Variants in IGSF21 observed in about 807,000 individuals in gnomAD.
The protein encoded by IGSF21 is immunoglobin superfamily member 21.
IGSF21 carries 28 observed loss-of-function variants against 46.8 expected under a neutral mutation model. The observed-to-expected ratio is 0.60, with a 90% CI of 0.44 to 0.82. The LOEUF is 0.82. Among genes scored for constraint, IGSF21 ranks in the 40% least tolerant of loss-of-function variants. IGSF21 has a pLI of 0.00. For synonymous variants in IGSF21, 284 were observed against 273.6 expected (o/e 1.04, Z -0.38); for missense variants, 624 against 665.5 (o/e 0.94, Z 0.69).
At chr1:18,291,574 T>G (rs796363919) in intron 2 of IGSF21, among the ~76,000 whole-genome samples, 8 of 152,318 alleles carry the variant, frequency 5.3e-5, no homozygotes, top group African/African-American at 1.9e-4. Flanking sequence ...CCAGGTGCTG[T>G]GAAGGCAGCA....
chr1:18,108,256 C>A, intron 1 of IGSF21, 58 bp downstream of exon 1: 1 of 1,311,074 alleles, frequency 7.6e-7, no homozygotes, highest in Non-Finnish European at 9.7e-7. Flanking sequence ...GGACGGGGTG[C>A]CGGGGGAGGG....
chr1:18,110,587 A>G (rs920361463), intron 1 of IGSF21: 4 of 152,236 alleles, frequency 2.6e-5, no homozygotes, highest in African/African-American at 9.6e-5. Flanking sequence ...TGGCAGAGCA[A>G]GGGTGCCCGA....
chr1:18,250,454 G>A (rs1195892066), intron 2 of IGSF21, among the ~76,000 whole-genome samples: 10 of 152,200 alleles, frequency 6.6e-5, no homozygotes, highest in Admixed American at 2.6e-4. Context: ...TCACTCAGCC[G>A]TGTGTTCACT....
chr1:18,306,006 C>T (rs1398299687), intron 3 of IGSF21, among the ~76,000 whole-genome samples: 1 of 152,210 alleles, frequency 6.6e-6, no homozygotes, highest in Non-Finnish European at 1.5e-5. Flanking sequence ...TTTCTCTGTG[C>T]ATCATGGCTT....
intron 3 of IGSF21, among the ~76,000 whole-genome samples, chr1:18,313,885 T>C (rs1192350575): frequency 6.6e-6 from 1 of 152,208 alleles, no homozygotes; most frequent in African/African-American, 2.4e-5. Flanking sequence ...GCCCTGAATC[T>C]TTCTGGAAAA....
intron 2 of IGSF21, among the ~76,000 whole-genome samples, chr1:18,240,443 G>A (rs1261690688): frequency 6.6e-6 from 1 of 152,228 alleles, no homozygotes; most frequent in African/African-American, 2.4e-5. Flanking sequence ...AAAGACAGGT[G>A]TCTGCTTGCT....
Position 18,263,392 on chromosome 1 carries a change from A to G in IGSF21, c.184-28474A>G, listed in dbSNP as rs764823716. On this transcript the variant is annotated intron_variant, in intron 2 of 9. Transcript: ENST00000251296. The stretch of plus-strand genomic sequence containing the variant: ...GTCCTCCAGCCCCACCCCCACCTCT[A>G]CTAGGCACCTGCTCAGCACCATTGC... Among the ~76,000 whole-genome samples the G allele has an allele frequency of 4.7e-5, 7 of 149,934 alleles. 1 individual carries two copies. Among genetic ancestry groups the G allele is most frequent in the Non-Finnish European group, 4.4e-5 (3 of 67,592 alleles).
chr1:18,191,102 A>G (rs1570319497), intron 1 of IGSF21, among the ~76,000 whole-genome samples: 1 of 152,200 alleles, frequency 6.6e-6, no homozygotes, highest in East Asian at 1.9e-4. Flanking sequence ...TCCAGAAAAA[A>G]CATTCAGAAC....
intron 3 of IGSF21, among the ~76,000 whole-genome samples, chr1:18,301,479 A>C (rs978118047): frequency 1.3e-5 from 2 of 152,206 alleles, no homozygotes; most frequent in Non-Finnish European, 2.9e-5. Context: ...AGCTGGGATT[A>C]CAGGCACCCA....
chr1:18,304,218 A>G (rs1028748501), intron 3 of IGSF21, among the ~76,000 whole-genome samples: 1 of 152,168 alleles, frequency 6.6e-6, no homozygotes, highest in African/African-American at 2.4e-5. Context: ...ACTGATGAAG[A>G]CTTGCTCTGG....
chr1:18,371,400 C>T (rs1465282005), intron 6 of IGSF21, among the ~76,000 whole-genome samples: 4 of 151,974 alleles, frequency 2.6e-5, no homozygotes, highest in Non-Finnish European at 5.9e-5. Context: ...GGTGAAACCT[C>T]GGCTCTACTG....
chr1:18,146,185 C>T (rs1183466319), intron 1 of IGSF21, among the ~76,000 whole-genome samples: 2 of 152,194 alleles, frequency 1.3e-5, no homozygotes, highest in Non-Finnish European at 2.9e-5. Context: ...AGTTTCTCCC[C>T]ACTCTCCATT....
chr1:18,281,390 A>C (rs985850105), intron 2 of IGSF21, among the ~76,000 whole-genome samples: 2 of 151,768 alleles, frequency 1.3e-5, no homozygotes, highest in Non-Finnish European at 1.5e-5. Context: ...TGAAACCCTG[A>C]GGTCTCTACT....
At chr1:18,266,592 G>T (rs1409647074) in intron 2 of IGSF21, among the ~76,000 whole-genome samples, 1 of 152,222 alleles carries the variant, frequency 6.6e-6, no homozygotes, top group Non-Finnish European at 1.5e-5. Context: ...TGTACTCATG[G>T]CAGTGGCCCA....
At position 18,232,209 on chromosome 1, in the gene IGSF21, C is replaced by CTTTTTTT. The variant is rs55775011; in HGVS notation, c.183+4201_183+4207dup. 2.3e-4 allele frequency among the ~76,000 whole-genome samples: 24 copies of CTTTTTTT among 105,028 alleles called. 5 individuals carry two copies. The highest frequency in any genetic ancestry group is 6.1e-4 in the East Asian group (2 of 3,270). 68.9% of individuals were successfully genotyped at this position (105,028 alleles called of 152,430 possible). ...GCTCATATAGATAAGCTCCAGACAG[C>CTTTTTTT]TTTTTTTTGGCTAATAGAGTAGGGG... is the stretch of plus-strand genomic sequence containing the variant. On this transcript the variant is annotated intron_variant, in intron 2 of 9. Coordinates refer to ENST00000251296, the MANE Select transcript of IGSF21 (RefSeq NM_032880.5).
intron 2 of IGSF21, among the ~76,000 whole-genome samples, chr1:18,238,247 G>A (rs186482930): frequency 2.0e-5 from 3 of 152,306 alleles, no homozygotes; most frequent in Admixed American, 6.5e-5. Context: ...CTGTAGCTGC[G>A]AGGTTGTGCC....
At chr1:18,147,206 C>G (rs2086478478) in intron 1 of IGSF21, among the ~76,000 whole-genome samples, 1 of 152,212 alleles carries the variant, frequency 6.6e-6, no homozygotes, top group Non-Finnish European at 1.5e-5. Flanking sequence ...CCAGTCGCTT[C>G]CGGGCTTGAA....
At chr1:18,243,826 C>T (rs59185053) in intron 2 of IGSF21, among the ~76,000 whole-genome samples, 12 of 152,156 alleles carry the variant, frequency 7.9e-5, no homozygotes, top group Non-Finnish European at 1.8e-4. Context: ...GAGGAGCGAG[C>T]ATATGGACCA....
At position 18,148,129 on chromosome 1, in the gene IGSF21, C is replaced by CTTTTT. The variant is rs58426436; in HGVS notation, c.70+39946_70+39950dup. The stretch of plus-strand genomic sequence containing the variant: ...TAAATTACTCAGTCACAAGTATGTC[C>CTTTTT]TTTTTTTTTTTTTTTTTTTGAGATG... On this transcript the variant is annotated intron_variant, in intron 1 of 9. Coordinates refer to ENST00000251296, the MANE Select transcript of IGSF21 (RefSeq NM_032880.5). 3.0e-4 allele frequency among the ~76,000 whole-genome samples: 33 copies of CTTTTT among 108,292 alleles called. 3 individuals are homozygous for CTTTTT. The highest frequency in any genetic ancestry group is 6.0e-4 in the Admixed American group (5 of 8,370). The allele number at this position is 108,292 out of a possible 152,430, so 71.0% of individuals were successfully genotyped here. A position where few individuals can be genotyped will look rare whatever the true frequency, so the allele number is the denominator to read the frequency against.
Sources: allele counts gnomAD v4.1 joint callset (sites outside exome capture counted in the v4.1 genomes callset), GRCh38; gene constraint gnomAD v4.1.1; transcripts MANE v1.5; gene names NCBI Gene and HGNC (gene_info 2026-07-23, HGNC 2026-07-21).